The following ESRRG variants were observed in gnomAD, a reference collection of about 807,000 sequenced individuals.
ESRRG encodes the protein estrogen-related receptor gamma.
A neutral mutation model predicts 44.0 loss-of-function variants in ESRRG; 13 were observed. The observed-to-expected ratio is 0.30, with a 90% confidence interval of 0.19 to 0.47. The LOEUF is 0.47. Ranked by LOEUF, ESRRG falls within the 20% of genes least tolerant of loss-of-function variation. The pLI is 1.00. For missense variants in ESRRG, 395 were observed against 580.6 expected (o/e 0.68, Z 3.29); for synonymous variants, 215 against 214.6 (o/e 1.00, Z -0.02).
chr1:217,045,647 G>A (rs2084738762), intron 1 of ESRRG, among the ~76,000 whole-genome samples: 1 of 152,148 alleles, frequency 6.6e-6, no homozygotes, highest in South Asian at 2.1e-4. Context: ...AGGCCATGTG[G>A]GATAGCACGT....
intron 1 of ESRRG, among the ~76,000 whole-genome samples, chr1:216,695,209 T>C (rs567170607): frequency 6.9e-4 from 105 of 151,960 alleles, no homozygotes; most frequent in Middle Eastern, 3.4e-3. Context: ...TAATATATTA[T>C]ATAATATAAA....
chr1:216,776,199 C>A (rs1443111757), intron 2 of ESRRG, among the ~76,000 whole-genome samples: 2 of 152,110 alleles, frequency 1.3e-5, no homozygotes, highest in Non-Finnish European at 2.9e-5. Context: ...TCACCACTCC[C>A]TTCCCTACCA....
intron 2 of ESRRG, among the ~76,000 whole-genome samples, chr1:216,881,727 C>A (rs1193319108): frequency 6.6e-6 from 1 of 151,928 alleles, no homozygotes; most frequent in East Asian, 1.9e-4. Context: ...GTTAAGGAAG[C>A]CAGATGTGTA....
At chr1:217,077,753 T>A (rs1423933210) in intron 1 of ESRRG, among the ~76,000 whole-genome samples, 1 of 152,216 alleles carries the variant, frequency 6.6e-6, no homozygotes, top group Non-Finnish European at 1.5e-5. Context: ...ACAAATTCAT[T>A]CTTTTGTCCA....
At chr1:216,835,623 A>C (rs2148807250) in intron 2 of ESRRG, among the ~76,000 whole-genome samples, 1 of 152,324 alleles carries the variant, frequency 6.6e-6, no homozygotes, top group South Asian at 2.1e-4. Context: ...GGTTGGCATC[A>C]GTTTTGGAAG....
At chr1:216,715,317 C>T in intron 1 of ESRRG, 1 of 848,584 alleles carries the variant, frequency 1.2e-6, no homozygotes, top group Non-Finnish European at 1.4e-6. Flanking sequence ...GTCACTTTCT[C>T]ATAGGAAAAA....
At chr1:216,524,892 G>A (rs527922280) in intron 5 of ESRRG, among the ~76,000 whole-genome samples, 17 of 152,218 alleles carry the variant, frequency 1.1e-4, no homozygotes, top group South Asian at 6.2e-4. Context: ...GAACAGAAAC[G>A]CAAAGGTAAT....
intron 1 of ESRRG, among the ~76,000 whole-genome samples, chr1:217,033,934 G>A (rs1490872605): frequency 2.6e-5 from 4 of 152,182 alleles, no homozygotes; most frequent in Non-Finnish European, 5.9e-5. Context: ...CTAGGGAATG[G>A]CAGTGAGATT....
At position 216,782,781 on chromosome 1, in the gene ESRRG, A is replaced by G. The variant is rs914789733; in HGVS notation, c.-13-105290T>C. Among the ~76,000 whole-genome samples the G allele has an allele frequency of 5.3e-5, 8 of 151,972 alleles. No individual in the cohort carries two copies. In the East Asian group the frequency reaches 1.5e-3, roughly 29 times the overall value. ...TTTCTTTTACCAAACTGTGGGATCT[A>G]GACAAAAATAGCTTTACAGTAAACA... On this transcript the variant is annotated intron_variant, in intron 2 of 7. Coordinates refer to the ESRRG transcript ENST00000359162.
chr1:216,981,920 A>G (rs892445779), intron 1 of ESRRG, among the ~76,000 whole-genome samples: 22 of 152,220 alleles, frequency 1.4e-4, no homozygotes, highest in Admixed American at 1.3e-4. Flanking sequence ...CCCAAGCATG[A>G]CCAAGCGATT....
At chr1:216,655,320 T>C (rs192889788) in intron 2 of ESRRG, among the ~76,000 whole-genome samples, 1 of 152,192 alleles carries the variant, frequency 6.6e-6, no homozygotes, top group East Asian at 1.9e-4. Context: ...AAATAAACAA[T>C]ACATTTTAGT....
At chr1:216,572,653 A>T (rs2061019429) in intron 3 of ESRRG, among the ~76,000 whole-genome samples, 1 of 152,032 alleles carries the variant, frequency 6.6e-6, no homozygotes, top group Admixed American at 6.6e-5. Flanking sequence ...ATCAAATATC[A>T]AATTATGAAA....
intron 1 of ESRRG, among the ~76,000 whole-genome samples, chr1:216,707,886 A>G (rs949307722): frequency 2.6e-5 from 4 of 152,228 alleles, no homozygotes; most frequent in Non-Finnish European, 5.9e-5. Flanking sequence ...AATCAATTTT[A>G]AACTGATATT....
intron 5 of ESRRG, among the ~76,000 whole-genome samples, chr1:216,532,008 G>T (rs773437506): frequency 1.3e-4 from 20 of 151,986 alleles, no homozygotes; most frequent in Non-Finnish European, 2.6e-4. Flanking sequence ...AAAATACAAG[G>T]GTTACCATAT....
chr1:217,053,020 T>C (rs2086336238), intron 1 of ESRRG, among the ~76,000 whole-genome samples: 1 of 151,874 alleles, frequency 6.6e-6, no homozygotes, highest in Non-Finnish European at 1.5e-5. Context: ...TTGCATATCC[T>C]TTACCAGGCA....
Position 216,858,415 on chromosome 1 carries a change from C to T in ESRRG, c.-14+81167G>A, listed in dbSNP as rs140052488. Among the ~76,000 whole-genome samples, 1,459 of 151,864 alleles carry T rather than the reference C, an allele frequency of 9.6e-3. 18 individuals are homozygous for T. Among genetic ancestry groups the T allele is most frequent in the African/African-American group, 0.033 (1,370 of 41,420 alleles). On this transcript the variant is annotated intron_variant, in intron 2 of 7. Transcript: ENST00000359162. ...TTGTACCATTGCACTACAGCCTGGG[C>T]GACAGAGTGAGACTCCATCTCAAAA... is the stretch of plus-strand genomic sequence containing the variant.
intron 3 of ESRRG, among the ~76,000 whole-genome samples, chr1:216,581,205 G>A (rs1393724987): frequency 6.6e-6 from 1 of 152,136 alleles, no homozygotes; most frequent in African/African-American, 2.4e-5. Context: ...AAAGGCATTT[G>A]GCTAAAGATG....
At chr1:216,981,194 A>G (rs1173700830) in intron 1 of ESRRG, among the ~76,000 whole-genome samples, 2 of 152,184 alleles carry the variant, frequency 1.3e-5, no homozygotes, top group South Asian at 2.1e-4. Flanking sequence ...CTGTCTTTCC[A>G]TTCTATCATA....
At chr1:217,052,289 C>T (rs1290279916) in intron 1 of ESRRG, among the ~76,000 whole-genome samples, 1 of 152,158 alleles carries the variant, frequency 6.6e-6, no homozygotes, top group Non-Finnish European at 1.5e-5. Flanking sequence ...AGAGAATGAA[C>T]TGAGATGATT....
Sources: allele counts gnomAD v4.1 joint callset (sites outside exome capture counted in the v4.1 genomes callset), GRCh38; gene constraint gnomAD v4.1.1; transcripts MANE v1.5; gene names NCBI Gene and HGNC (gene_info 2026-07-23, HGNC 2026-07-21).